The following CYSRT1 variants were observed in gnomAD, a reference collection of about 807,000 sequenced individuals.
CYSRT1 encodes the protein cysteine-rich tail protein 1.
A neutral mutation model predicts 6.2 loss-of-function variants in CYSRT1; 7 were observed. The observed-to-expected ratio is 1.13, with a 90% confidence interval of 0.64 to 2.13. The LOEUF (loss-of-function observed/expected upper bound fraction) is 2.13, where lower values mean the gene tolerates loss of function less well. CYSRT1 is among the 30% of genes most tolerant of loss of function. The pLI is 0.00. For synonymous variants in CYSRT1, 75 were observed against 83.1 expected, an observed-to-expected ratio of 0.90 and a Z score of 0.53; for missense variants, 188 against 196.4, an observed-to-expected ratio of 0.96 and a Z score of 0.26.
At chr9:137,225,380 G>A in intron 1 of CYSRT1, 147 bp downstream of exon 1, 2 of 1,134,240 alleles carry the variant, frequency 1.8e-6, no homozygotes, top group Non-Finnish European at 2.4e-6. Flanking sequence ...TCCCTGGCAG[G>A]GGTGGCAGCT....
chr9:137,225,655 T>C lies in CYSRT1; in HGVS notation c.34T>C (p.Tyr12His), dbSNP rs1423755813. Residue 12 changes from tyrosine to histidine, a missense_variant, in exon 2 of 2, where the codon TAT becomes CAT. Transcript: ENST00000650725. ...CCAAGAGATGGTCGTCAAGAACCCA[T>C]ATGCCCACATCAGCATCCCCCGGGC... ...DPQEMVVKNP[Y>H]AHISIPRAHL... 2 of 1,550,378 alleles carry C rather than the reference T, an allele frequency of 1.3e-6. No individual in the cohort carries two copies. The highest frequency in any genetic ancestry group is 1.2e-5 in the South Asian group (1 of 84,058).
Position 137,225,813 on chromosome 9 carries a change from A to G in CYSRT1, c.192A>G (p.Pro64=). ...ACCTCTTGCAGCCGACCGAGGTCCC[A>G]GGGCCCAAGGGCGCCAAGGGTAACC... ...PTHLLQPTEV[P]GPKGAKGNQG... Residue 64 remains proline, a synonymous_variant, in exon 2 of 2, where the codon CCA becomes CCG. Transcript: ENST00000650725. 1.3e-6 allele frequency: 2 copies of G among 1,549,044 alleles called. No individual in the cohort carries two copies. The highest frequency in any genetic ancestry group is 8.7e-7 in the Non-Finnish European group (1 of 1,146,842).
Position 137,226,122 on chromosome 9 carries a change from A to G in CYSRT1, c.*66A>G. 1 of 1,506,430 alleles carries G rather than the reference A, an allele frequency of 6.6e-7. No individual in the cohort carries two copies. The allele number at this position is 1,506,430 out of a possible 1,614,324, so 93.3% of individuals were successfully genotyped here. ...AATGTGGCTCACACAGTGCCGGGACATGCCGGGACATGCGGGGTGGCTGTT... is the reference window on the plus strand; with the variant it reads ...AATGTGGCTCACACAGTGCCGGGACGTGCCGGGACATGCGGGGTGGCTGTT... On this transcript the variant is annotated 3_prime_UTR_variant, in exon 2 of 2. Transcript: ENST00000650725.
Position 137,225,694 on chromosome 9 carries a change from G to C in CYSRT1, c.73G>C (p.Asp25His). Residue 25 changes from aspartate (D) to histidine (H), a missense_variant, in exon 2 of 2, where the codon GAC becomes CAC. Transcript: ENST00000650725. ...CATCCCCCGGGCTCACCTGCGGCCT[G>C]ACCTGGGGCAGCAGTTAGAGGTGGC... is the stretch of plus-strand genomic sequence containing the variant. ...ISIPRAHLRP[D>H]LGQQLEVAST... The C allele has an allele frequency of 6.4e-7, 1 of 1,550,406 alleles. No homozygotes were observed. Among genetic ancestry groups the C allele is most frequent in the Non-Finnish European group, 8.7e-7 (1 of 1,146,958 alleles).
At chr9:137,225,318 A>T (rs756103885) in intron 1 of CYSRT1, 85 bp downstream of exon 1, 17 of 1,253,586 alleles carry the variant, frequency 1.4e-5, no homozygotes, top group Non-Finnish European at 1.9e-5. Context: ...AGCCTCCCCG[A>T]CCCCATTCCC....
intron 1 of CYSRT1, 86 bp from the exon 2 acceptor site, chr9:137,225,528 G>C: frequency 6.8e-7 from 1 of 1,462,506 alleles, no homozygotes; most frequent in South Asian, 1.4e-5. Flanking sequence ...CGCTGCTCCT[G>C]GTGGGGGCTT....
In CYSRT1 at chr9:137,225,843, G is replaced by T. The variant is rs1244520305; in HGVS notation, c.222G>T (p.Gly74=). The T allele has an allele frequency of 6.5e-7, 1 of 1,547,530 alleles. No homozygotes were observed. The highest frequency in any genetic ancestry group is 1.2e-5 in the South Asian group (1 of 84,034). ...PGPKGAKGNQ[G]AAPIQNQQAW... ...CCAAGGGCGCCAAGGGTAACCAGGG[G>T]GCTGCCCCCATCCAGAACCAGCAGG... is the stretch of plus-strand genomic sequence containing the variant. Residue 74 remains glycine (G), a synonymous_variant, in exon 2 of 2, where the codon GGG becomes GGT. Coordinates refer to ENST00000650725, the MANE Select transcript of CYSRT1 (RefSeq NM_199001.5).
Position 137,225,723 on chromosome 9 carries a change from C to T in CYSRT1, c.102C>T (p.Ser34=), listed in dbSNP as rs2131391508. 1.3e-6 allele frequency: 2 copies of T among 1,550,318 alleles called. No homozygotes were observed. The highest frequency in any genetic ancestry group is 1.4e-5 in the African/African-American group (1 of 73,176). The change falls in exon 2 of 2, where the codon TCC becomes TCT. Residue 34 remains serine, a synonymous_variant. Transcript: ENST00000650725. ...PDLGQQLEVA[S]TCSSSSEMQP... is the part of the protein sequence containing the mutation. The stretch of plus-strand genomic sequence containing the variant: ...TGGGGCAGCAGTTAGAGGTGGCTTC[C>T]ACCTGTTCCTCATCCTCGGAGATGC...
chr9:137,225,990 C>T lies in CYSRT1; in HGVS notation c.369C>T (p.Cys123=). The change falls in exon 2 of 2, where the codon TGC becomes TGT. Residue 123 remains cysteine, a synonymous_variant. Coordinates refer to ENST00000650725, the MANE Select transcript of CYSRT1 (RefSeq NM_199001.5). ...CCCACCACTGCTGCTGCTGCCCCTG[C>T]TGCCACTGCTGCCACTGCCCCCCCT... ...DIAHHCCCCP[C]CHCCHCPPFC... The T allele has an allele frequency of 2.6e-6, 4 of 1,548,598 alleles. No individual in the cohort carries two copies. The highest frequency in any genetic ancestry group is 3.5e-6 in the Non-Finnish European group (4 of 1,146,378).
Position 137,225,888 on chromosome 9 carries a change from C to A in CYSRT1, c.267C>A (p.Asn89Lys). The A allele has an allele frequency of 6.5e-7, 1 of 1,545,634 alleles. No homozygotes were observed. Among genetic ancestry groups the A allele is most frequent in the Non-Finnish European group, 8.7e-7 (1 of 1,146,794 alleles). ...AGCAGGCCTGGCAGCAGCCTGGCAA[C>A]CCCTACAGCAGCAGTCAGCGCCAGG... Reference protein sequence around the residue: ...QNQQAWQQPGNPYSSSQRQAG... With the variant: ...QNQQAWQQPGKPYSSSQRQAG... The change falls in exon 2 of 2, where the codon AAC becomes AAA. Residue 89 changes from asparagine to lysine, a missense_variant. Asn to Lys is a moderately conservative substitution (Grantham distance 94). Coordinates refer to ENST00000650725, the MANE Select transcript of CYSRT1 (RefSeq NM_199001.5).
chr9:137,226,071 C>G lies in CYSRT1; in HGVS notation c.*15C>G. 2.6e-6 allele frequency: 4 copies of G among 1,542,790 alleles called. No individual in the cohort carries two copies. The highest frequency in any genetic ancestry group is 3.5e-6 in the Non-Finnish European group (4 of 1,142,432). ...TCATCTCCTAGCCCAGCCCACCCTGCCAGGGCCAGGACCCAGACTTCAGCA... is the reference window on the plus strand; with the variant it reads ...TCATCTCCTAGCCCAGCCCACCCTGGCAGGGCCAGGACCCAGACTTCAGCA... On this transcript the variant is annotated 3_prime_UTR_variant, in exon 2 of 2. Transcript: ENST00000650725.
Position 137,226,298 on chromosome 9 carries a change from T to A in CYSRT1, c.*242T>A. On this transcript the variant is annotated 3_prime_UTR_variant, in exon 2 of 2. Transcript: ENST00000650725. Reference sequence around the variant, plus strand: ...TTAAGGCCCAGGCAATAAAGCAGGGTGATCTTCCTCCCAGCAATTCTTCTT... The same window carrying A: ...TTAAGGCCCAGGCAATAAAGCAGGGAGATCTTCCTCCCAGCAATTCTTCTT... 1 of 683,896 alleles carries A rather than the reference T, an allele frequency of 1.5e-6. No homozygotes were observed. The highest frequency in any genetic ancestry group is 3.0e-5 in the East Asian group (1 of 32,958). 42.4% of individuals were successfully genotyped at this position (683,896 alleles called of 1,614,324 possible). A position where few individuals can be genotyped will look rare whatever the true frequency, so the allele number is the denominator to read the frequency against.
chr9:137,225,431 C>T (rs1266676907), intron 1 of CYSRT1, among the ~76,000 whole-genome samples, 183 bp from the exon 2 acceptor site: 1 of 152,278 alleles, frequency 6.6e-6, no homozygotes, highest in Admixed American at 6.5e-5. Context: ...ACTTGGCTCA[C>T]ACCCATGACA....
Position 137,225,944 on chromosome 9 carries a change from C to G in CYSRT1, c.323C>G (p.Ala108Gly), listed in dbSNP as rs6606566. ...AGLTYAGPPP[A>G]GRGDDIAHHC... ...CTGACCTACGCTGGCCCTCCGCCCG[C>G]GGGGCGCGGGGATGACATCGCCCAC... Residue 108 changes from alanine to glycine, a missense_variant, in exon 2 of 2, where the codon GCG (alanine) becomes GGG (glycine). Coordinates refer to ENST00000650725, the MANE Select transcript of CYSRT1 (RefSeq NM_199001.5). 1.3e-6 allele frequency: 2 copies of G among 1,547,526 alleles called. No individual in the cohort carries two copies. Among genetic ancestry groups the G allele is most frequent in the Non-Finnish European group, 1.7e-6 (2 of 1,146,266 alleles).
Position 137,226,248 on chromosome 9 carries a change from C to A in CYSRT1, c.*192C>A. ...CCTGAAACGGAATCCCAGGTCCTGG[C>A]TGGAGAGGGACACCCCTGATTACCT... On this transcript the variant is annotated 3_prime_UTR_variant, in exon 2 of 2. Coordinates refer to ENST00000650725, the MANE Select transcript of CYSRT1 (RefSeq NM_199001.5). 1 of 1,068,332 alleles carries A rather than the reference C, an allele frequency of 9.4e-7. No homozygotes were observed. Among genetic ancestry groups the A allele is most frequent in the Non-Finnish European group, 1.3e-6 (1 of 756,406 alleles). 66.2% of individuals were successfully genotyped at this position (1,068,332 alleles called of 1,614,324 possible). A position where few individuals can be genotyped will look rare whatever the true frequency, so the allele number is the denominator to read the frequency against.
rs376612265 is a variant in CYSRT1 at position 137,225,986 on chromosome 9, C to T, written c.365C>T (p.Pro122Leu). Residue 122 changes from proline (P) to leucine (L), a missense_variant, in exon 2 of 2, where the codon CCC becomes CTC. Physicochemically the swap from Pro to Leu is moderately conservative, Grantham distance 98 (BLOSUM62 -3). Transcript: ENST00000650725. ...DDIAHHCCCC[P>L]CCHCCHCPPF... ...ATCGCCCACCACTGCTGCTGCTGCCCCTGCTGCCACTGCTGCCACTGCCCC... is the reference window on the plus strand; with the variant it reads ...ATCGCCCACCACTGCTGCTGCTGCCTCTGCTGCCACTGCTGCCACTGCCCC... 1 of 1,549,138 alleles carries T rather than the reference C, an allele frequency of 6.5e-7. No individual in the cohort carries two copies. The highest frequency in any genetic ancestry group is 1.4e-5 in the African/African-American group (1 of 73,038).
Position 137,225,853 on chromosome 9 carries a change from A to G in CYSRT1, c.232A>G (p.Ile78Val), listed in dbSNP as rs957432866. ...GAKGNQGAAP[I>V]QNQQAWQQPG... ...CAAGGGTAACCAGGGGGCTGCCCCC[A>G]TCCAGAACCAGCAGGCCTGGCAGCA... The change falls in exon 2 of 2, where the codon ATC (isoleucine) becomes GTC (valine). Residue 78 changes from isoleucine to valine, a missense_variant. By Grantham distance (29) the Ile-to-Val change is conservative. Transcript: ENST00000650725. 2 of 1,546,834 alleles carry G rather than the reference A, an allele frequency of 1.3e-6. No individual in the cohort carries two copies. The highest frequency in any genetic ancestry group is 1.7e-6 in the Non-Finnish European group (2 of 1,146,848).
In CYSRT1 at chr9:137,225,791, T is replaced by A. The variant is rs1835958534; in HGVS notation, c.170T>A (p.Leu57His). ...CCCTGTGCCCCAGAGCCAACCCACC[T>A]CTTGCAGCCGACCGAGGTCCCAGGG... Reference protein sequence around the residue: ...VGPCAPEPTHLLQPTEVPGPK... With the variant: ...VGPCAPEPTHHLQPTEVPGPK... Residue 57 changes from leucine (L) to histidine (H), a missense_variant, in exon 2 of 2, where the codon CTC becomes CAC. Leu to His is a moderately conservative substitution (Grantham distance 99, BLOSUM62 -3). Coordinates refer to ENST00000650725, the MANE Select transcript of CYSRT1 (RefSeq NM_199001.5). 1.3e-6 allele frequency: 2 copies of A among 1,549,738 alleles called. No homozygotes were observed. The highest frequency in any genetic ancestry group is 1.7e-6 in the Non-Finnish European group (2 of 1,146,814).
intron 1 of CYSRT1, among the ~76,000 whole-genome samples, 167 bp downstream of exon 1, chr9:137,225,400 C>T (rs567946537): frequency 6.6e-6 from 1 of 152,378 alleles, no homozygotes; most frequent in Non-Finnish European, 1.5e-5. Context: ...TGGGAGACAC[C>T]GGCCCTTGCT....
Sources: gnomAD v4.1 joint callset for allele counts (sites outside exome capture counted in the v4.1 genomes callset) on GRCh38, gnomAD v4.1.1 for gene constraint, MANE v1.5 for transcripts, NCBI Gene and HGNC (gene_info 2026-07-23, HGNC 2026-07-21) for gene names.